Variants in ATP9A observed in about 807,000 individuals in gnomAD.
ATP9A encodes probable phospholipid-transporting ATPase IIA.
ATP9A carries 52 observed loss-of-function variants against 144.1 expected under a neutral mutation model. That is an observed-to-expected ratio of 0.36 (90% CI 0.29 to 0.45). ATP9A has a LOEUF of 0.45. Ranked by LOEUF, ATP9A falls within the 20% of genes least tolerant of loss-of-function variation. ATP9A has a pLI of 1.00. For synonymous variants in ATP9A, 582 were observed against 557.4 expected, an observed-to-expected ratio of 1.04 and a Z score of -0.62; for missense variants, 947 against 1,392.7, an observed-to-expected ratio of 0.68 and a Z score of 5.09.
At position 51,611,601 on chromosome 20, in the gene ATP9A, A is replaced by T. The variant is rs952736000; in HGVS notation, c.2572-1436T>A. 6.6e-6 allele frequency among the ~76,000 whole-genome samples: 1 copy of T among 152,250 alleles called. No individual in the cohort carries two copies. Among genetic ancestry groups the T allele is most frequent in the Non-Finnish European group, 1.5e-5 (1 of 68,048 alleles). On this transcript the variant is annotated intron_variant, in intron 23 of 27. Coordinates refer to ENST00000338821, the MANE Select transcript of ATP9A (RefSeq NM_006045.3). The surrounding 1 kb of genome is among the most constrained non-coding windows in gnomAD (Gnocchi z 4.2). The stretch of plus-strand genomic sequence containing the variant: ...AGGGGTTAAAGGCATTTTCTTTAGC[A>T]CAAAGAACAATGCCTCATCCTGGAA...
chr20:51,617,946 G>A (rs1483054454), intron 21 of ATP9A, among the ~76,000 whole-genome samples: 1 of 152,220 alleles, frequency 6.6e-6, no homozygotes, highest in Admixed American at 6.5e-5. Flanking sequence ...TTTAGGCTGA[G>A]CAGTGGCTCA....
rs191644071 is a variant in ATP9A, at chr20:51,742,133, G to C, written c.69-12155C>G. Among the ~76,000 whole-genome samples the C allele has an allele frequency of 3.5e-3, 527 of 152,140 alleles. 2 individuals are homozygous for C. The highest frequency in any genetic ancestry group is 6.1e-3 in the Non-Finnish European group (414 of 67,994). ...GAGTTCAGGAGTTGGAGACCAGCCC[G>C]AGCAACACGGTGAGACCTCATCTCT... On this transcript the variant is annotated intron_variant, in intron 1 of 27. Transcript: ENST00000338821.
At chr20:51,632,892 G>C (rs2077275254) in intron 15 of ATP9A, among the ~76,000 whole-genome samples, 1 of 152,150 alleles carries the variant, frequency 6.6e-6, no homozygotes, top group Non-Finnish European at 1.5e-5. Flanking sequence ...GGGGGCCGAG[G>C]CTGGTGGATC....
chr20:51,641,599 G>A (rs2077319185), intron 14 of ATP9A, among the ~76,000 whole-genome samples: 1 of 151,802 alleles, frequency 6.6e-6, no homozygotes, highest in African/African-American at 2.4e-5. Flanking sequence ...TGGATCACCT[G>A]AGGTCAGGAG....
At chr20:51,699,712 G>A (rs1463918706) in intron 4 of ATP9A, among the ~76,000 whole-genome samples, 4 of 151,366 alleles carry the variant, frequency 2.6e-5, no homozygotes, top group African/African-American at 4.9e-5. Context: ...GCATGATCTC[G>A]GCTCACTGCA....
At chr20:51,717,443 T>C (rs2077667244) in intron 3 of ATP9A, among the ~76,000 whole-genome samples, 1 of 152,066 alleles carries the variant, frequency 6.6e-6, no homozygotes, top group African/African-American at 2.4e-5. Flanking sequence ...GAGGCAACAA[T>C]ACAAGACAAA....
chr20:51,665,241 T>C (rs989959280), intron 13 of ATP9A, among the ~76,000 whole-genome samples: 22 of 140,150 alleles, frequency 1.6e-4, no homozygotes, highest in East Asian at 2.5e-4. Flanking sequence ...GCTGGGGGGA[T>C]AGAGCAGGGG....
intron 3 of ATP9A, among the ~76,000 whole-genome samples, chr20:51,715,034 C>T (rs1036996346): frequency 5.9e-5 from 9 of 152,108 alleles, no homozygotes; most frequent in Admixed American, 3.9e-4. Flanking sequence ...CTTGTCATTC[C>T]TTCCCCTATC....
At chr20:51,718,830 A>C (rs2077674976) in intron 3 of ATP9A, among the ~76,000 whole-genome samples, 2 of 88,730 alleles carry the variant, frequency 2.3e-5, no homozygotes, top group South Asian at 6.8e-4. Context: ...AAAAAAAAAA[A>C]AAAAAAAAAA....
In ATP9A at chr20:51,768,309, G is replaced by T; in HGVS notation, c.61C>A (p.Arg21Ser). ...GGGCCCAGGCCCACTCACCCGGCGC[G>T]GGGCCTGCTGTCCATCCGCTTCTTC... ...RQKKRMDSRP[R>S]AGCCEWLRCC... Residue 21 changes from arginine (R) to serine (S), a missense_variant, in exon 1 of 28, where the codon CGC becomes AGC. Physicochemically the swap from Arg to Ser is moderately radical, Grantham distance 110. Around this residue, in one of 2 missense-constraint regions of ATP9A, gnomAD observed 770 missense variants for 1,047.9 expected, o/e 0.73. Transcript: ENST00000338821. 2 of 1,303,476 alleles carry T rather than the reference G, an allele frequency of 1.5e-6. No individual in the cohort carries two copies. Among genetic ancestry groups the T allele is most frequent in the Non-Finnish European group, 2.0e-6 (2 of 1,016,538 alleles). 80.7% of individuals were successfully genotyped at this position (1,303,476 alleles called of 1,614,324 possible). A position where few individuals can be genotyped will look rare whatever the true frequency, so the allele number is the denominator to read the frequency against.
Position 51,657,073 on chromosome 20 carries a change from G to A in ATP9A, c.1371C>T (p.His457=), listed in dbSNP as rs111617852. The change falls in exon 14 of 28, where the codon CAC becomes CAT. Residue 457 remains histidine, a synonymous_variant. Coordinates refer to ENST00000338821, the MANE Select transcript of ATP9A (RefSeq NM_006045.3). ...AGAGCGCGATGGCCTTCACGGCTTC[G>A]TGCACGCGGCTGCTCATGGTCCGCC... ...KVRRTMSSRV[H]EAVKAIALCH... is the part of the protein sequence containing the mutation. 4.5e-5 allele frequency: 72 copies of A among 1,614,044 alleles called. No homozygotes were observed. Among genetic ancestry groups the A allele is most frequent in the African/African-American group, 6.7e-5 (5 of 74,922 alleles).
At chr20:51,721,800 CA>C (rs1159903304) in intron 3 of ATP9A, among the ~76,000 whole-genome samples, 3,982 of 86,824 alleles carry the variant, frequency 0.046, 51 homozygotes, top group Non-Finnish European at 0.066. Context: ...GACTCCATCT[CA>C]AAAAAAAAAA....
intron 1 of ATP9A, among the ~76,000 whole-genome samples, chr20:51,751,201 C>A (rs1376592170): frequency 6.6e-6 from 1 of 152,028 alleles, no homozygotes; most frequent in Non-Finnish European, 1.5e-5. Context: ...ACCACTTATA[C>A]CCCCAATGAA....
At chr20:51,748,481 A>G (rs1304184300) in intron 1 of ATP9A, among the ~76,000 whole-genome samples, 2 of 152,230 alleles carry the variant, frequency 1.3e-5, no homozygotes, top group African/African-American at 4.8e-5. Flanking sequence ...CTGTAAGCAA[A>G]TATTCAGTTA....
At chr20:51,735,521 C>T (rs1211945) in intron 1 of ATP9A, among the ~76,000 whole-genome samples, 18,891 of 152,174 alleles carry the variant, frequency 0.12, 1,248 homozygotes, top group South Asian at 0.19. Flanking sequence ...TTTTATTAAG[C>T]GCTTACCCGG....
At chr20:51,676,315 T>C in intron 9 of ATP9A, 107 bp from the exon 10 acceptor site, 2 of 859,732 alleles carry the variant, frequency 2.3e-6, no homozygotes, top group East Asian at 5.6e-5. Flanking sequence ...GTTCTTTTTT[T>C]TTTTTGAGAC....
At chr20:51,691,880 T>C (rs1436945559) in intron 7 of ATP9A, among the ~76,000 whole-genome samples, 1 of 152,210 alleles carries the variant, frequency 6.6e-6, no homozygotes, top group Non-Finnish European at 1.5e-5. Flanking sequence ...AAACAAAGTG[T>C]GGTCTGTCCA....
At chr20:51,619,433 G>A (rs1051397328) in intron 19 of ATP9A, among the ~76,000 whole-genome samples, 1 of 151,958 alleles carries the variant, frequency 6.6e-6, no homozygotes, top group African/African-American at 2.4e-5. Context: ...CATGGTGGTG[G>A]GTGCCTGTAA....
At chr20:51,634,761 A>G (rs1262082857) in intron 15 of ATP9A, among the ~76,000 whole-genome samples, 1 of 148,564 alleles carries the variant, frequency 6.7e-6, no homozygotes, top group African/African-American at 2.5e-5. Flanking sequence ...AGGCTGGGGT[A>G]GGAGAATCGC....
Sources: allele counts gnomAD v4.1 joint callset (sites outside exome capture counted in the v4.1 genomes callset), GRCh38; gene constraint gnomAD v4.1.1; regional missense constraint gnomAD v4.1.1; non-coding constraint Gnocchi (gnomAD v3.1); transcripts MANE v1.5; gene names NCBI Gene and HGNC (gene_info 2026-07-23, HGNC 2026-07-21).